Variants in GEMIN2 observed in about 807,000 individuals in gnomAD.
GEMIN2 encodes gem-associated protein 2.
Under a neutral mutation model 45.8 loss-of-function variants are expected in GEMIN2, and 37 were observed. The observed-to-expected ratio is 0.81, with a 90% CI of 0.62 to 1.06. The LOEUF is 1.06. Among genes scored for constraint, GEMIN2 ranks in the 50% least tolerant of loss-of-function variants. The pLI, the probability that GEMIN2 is intolerant of heterozygous loss-of-function variation, is 0.00. For missense variants in GEMIN2, 335 were observed against 321.8 expected (o/e 1.04, Z -0.31); for synonymous variants, 101 against 111.5 (o/e 0.91, Z 0.60).
chr14:39,129,509 T>A (rs989942462), intron 7 of GEMIN2, among the ~76,000 whole-genome samples: 17 of 151,638 alleles, frequency 1.1e-4, no homozygotes, highest in Admixed American at 1.3e-4. Context: ...CACCTCCTGG[T>A]TTCAAGTGAT....
chr14:39,117,773 T>A (rs973179010), intron 2 of GEMIN2, among the ~76,000 whole-genome samples: 2 of 152,098 alleles, frequency 1.3e-5, no homozygotes, highest in African/African-American at 2.4e-5. Flanking sequence ...CCTTTCCAGA[T>A]TTCTCTGATT....
In GEMIN2 at chr14:39,136,457, A is replaced by T; in HGVS notation, c.788A>T (p.Asp263Val). Reference protein sequence around the residue: ...CLVSRYFDQRDLADEPS With the variant: ...CLVSRYFDQRVLADEPS ...TTTACTAGGTATTTTGACCAACGTG[A>T]TTTAGCTGATGAGCCATCTTGATGT... is the stretch of plus-strand genomic sequence containing the variant. The change falls in exon 10 of 10, where the codon GAT (aspartate) becomes GTT (valine). Residue 263 changes from aspartate to valine, a missense_variant. Asp to Val is a radical substitution (Grantham distance 152). Coordinates refer to ENST00000308317, the MANE Select transcript of GEMIN2 (RefSeq NM_003616.3). The T allele has an allele frequency of 1.3e-6, 2 of 1,575,732 alleles. No homozygotes were observed. The highest frequency in any genetic ancestry group is 1.7e-6 in the Non-Finnish European group (2 of 1,146,450).
intron 8 of GEMIN2, 39 bp from the exon 9 acceptor site, chr14:39,133,622 G>T: frequency 9.1e-7 from 1 of 1,102,590 alleles, no homozygotes; most frequent in South Asian, 1.4e-5. Context: ...AAAGTAATAG[G>T]AACAGACAAT....
At chr14:39,131,128 T>A (rs2052709901) in intron 7 of GEMIN2, among the ~76,000 whole-genome samples, 1 of 151,766 alleles carries the variant, frequency 6.6e-6, no homozygotes. Flanking sequence ...TGAAACCCGG[T>A]CTCTATTAAA....
At chr14:39,122,997 C>T (rs1354258499) in intron 5 of GEMIN2, among the ~76,000 whole-genome samples, 1 of 152,096 alleles carries the variant, frequency 6.6e-6, no homozygotes, top group African/African-American at 2.4e-5. Flanking sequence ...TGGAAATCGA[C>T]ACAATTAGAT....
intron 2 of GEMIN2, among the ~76,000 whole-genome samples, chr14:39,115,713 C>T (rs528667074): frequency 5.3e-5 from 8 of 152,182 alleles, no homozygotes; most frequent in African/African-American, 1.9e-4. Flanking sequence ...CCTCTGCCTC[C>T]CAAACTGCTG....
At chr14:39,117,596 T>C (rs2052524803) in intron 2 of GEMIN2, among the ~76,000 whole-genome samples, 1 of 152,226 alleles carries the variant, frequency 6.6e-6, no homozygotes, top group Non-Finnish European at 1.5e-5. Flanking sequence ...TACTGTGCTA[T>C]TGAATGCTAG....
At chr14:39,126,790 G>A (rs1010204032) in intron 6 of GEMIN2, among the ~76,000 whole-genome samples, 17 of 151,744 alleles carry the variant, frequency 1.1e-4, no homozygotes, top group African/African-American at 3.9e-4. Context: ...TTTTTGAGAG[G>A]GAGTCTCGCT....
At chr14:39,130,616 G>C (rs149654310) in intron 7 of GEMIN2, among the ~76,000 whole-genome samples, 60 of 152,300 alleles carry the variant, frequency 3.9e-4, no homozygotes, top group African/African-American at 1.4e-3. Context: ...AGGGATGGCT[G>C]AGTGGGGTGG....
In GEMIN2 at chr14:39,118,037, A is replaced by C. The variant is rs142482613; in HGVS notation, c.261A>C (p.Pro87=). Residue 87 remains proline (P), a synonymous_variant, in exon 3 of 10, where the codon CCA becomes CCC. Transcript: ENST00000308317. ...GCQPAPEGYS[P]TLQWQQQQVA... is the part of the protein sequence containing the mutation. ...AACCCGCCCCTGAAGGTTATTCCCC[A>C]ACACTTCAATGGCAACAGCAACAAG... 2.2e-4 allele frequency: 349 copies of C among 1,609,016 alleles called. No homozygotes were observed. Among genetic ancestry groups the C allele is most frequent in the Non-Finnish European group, 2.7e-4 (322 of 1,176,624 alleles).
At chr14:39,123,711 T>G (rs1243456261) in intron 5 of GEMIN2, among the ~76,000 whole-genome samples, 4 of 67,402 alleles carry the variant, frequency 5.9e-5, no homozygotes, top group African/African-American at 2.7e-4. Flanking sequence ...TATATATATT[T>G]TTTTTTTTTT....
intron 5 of GEMIN2, 26 bp downstream of exon 5, chr14:39,122,569 C>G: frequency 8.4e-7 from 1 of 1,193,506 alleles, no homozygotes; most frequent in Non-Finnish European, 1.2e-6. Flanking sequence ...ATAAACAGAA[C>G]AAAAAGCATT....
intron 6 of GEMIN2, 85 bp downstream of exon 6, chr14:39,125,121 C>G: frequency 2.7e-6 from 2 of 729,434 alleles, no homozygotes; most frequent in Non-Finnish European, 4.9e-6. Flanking sequence ...ATACTGAATT[C>G]TTACAGTATG....
In GEMIN2 at chr14:39,133,008, ATGTG is replaced by A. The variant is rs1271818920; in HGVS notation, c.712-637_712-634del. Among the ~76,000 whole-genome samples, 44 of 67,804 alleles carry A rather than the reference ATGTG, an allele frequency of 6.5e-4. No individual in the cohort carries two copies. The South Asian group carries it at 0.015, about 23-fold the overall frequency. 44.5% of individuals were successfully genotyped at this position (67,804 alleles called of 152,430 possible). Reference sequence around the variant, plus strand: ...TGTGTGTGTGTGTGTGTGTATATATATGTGTGTGTGTGTGTGTGTATATATATAT... The same window carrying A: ...TGTGTGTGTGTGTGTGTGTATATATATGTGTGTGTGTGTGTATATATATAT... On this transcript the variant is annotated intron_variant, in intron 8 of 9. Coordinates refer to ENST00000308317, the MANE Select transcript of GEMIN2 (RefSeq NM_003616.3).
Position 39,136,596 on chromosome 14 carries a change from C to T in GEMIN2, c.*117C>T. On this transcript the variant is annotated 3_prime_UTR_variant, in exon 10 of 10. Transcript: ENST00000308317. ...CATCTTCAACACTATGTGAAGGGTT[C>T]ACATCTTAACCTGTGCAATTCAGAT... 1.3e-6 allele frequency: 1 copy of T among 792,292 alleles called. No individual in the cohort carries two copies. Among genetic ancestry groups the T allele is most frequent in the South Asian group, 1.5e-5 (1 of 68,618 alleles). The allele number at this position is 792,292 out of a possible 1,614,324, so 49.1% of individuals were successfully genotyped here.
At chr14:39,121,365 T>C (rs1161490832) in intron 4 of GEMIN2, among the ~76,000 whole-genome samples, 1 of 152,004 alleles carries the variant, frequency 6.6e-6, no homozygotes, top group African/African-American at 2.4e-5. Flanking sequence ...GACAACTATC[T>C]CTACAAAAAA....
At chr14:39,119,974 G>A (rs2052555036) in intron 4 of GEMIN2, among the ~76,000 whole-genome samples, 1 of 152,190 alleles carries the variant, frequency 6.6e-6, no homozygotes, top group African/African-American at 2.4e-5. Flanking sequence ...TACCAAGGAT[G>A]TATGTATGTA....
rs987939696 is a variant in GEMIN2 at position 39,114,347 on chromosome 14, G to T, written c.9G>T (p.Trp3Cys). Reference sequence around the variant, plus strand: ...TGGCTGGTTTGAAAACCATGGCGTGGGTACCAGCGGAGTCCGCAGTGGAAG... The same window carrying T: ...TGGCTGGTTTGAAAACCATGGCGTGTGTACCAGCGGAGTCCGCAGTGGAAG... Reference protein sequence around the residue: MAWVPAESAVEEL... With the variant: MACVPAESAVEEL... The change falls in exon 1 of 10, where the codon TGG becomes TGT. Residue 3 changes from tryptophan to cysteine, a missense_variant. Coordinates refer to ENST00000308317, the MANE Select transcript of GEMIN2 (RefSeq NM_003616.3). 6.2e-7 allele frequency: 1 copy of T among 1,614,008 alleles called. No individual in the cohort carries two copies. Among genetic ancestry groups the T allele is most frequent in the Non-Finnish European group, 8.5e-7 (1 of 1,179,880 alleles).
intron 4 of GEMIN2, among the ~76,000 whole-genome samples, chr14:39,119,663 C>T (rs2052552813): frequency 6.6e-6 from 1 of 152,184 alleles, no homozygotes; most frequent in South Asian, 2.1e-4. Context: ...TACATGGTGA[C>T]ACATTAGAAT....
Sources: gnomAD v4.1 joint callset for allele counts (sites outside exome capture counted in the v4.1 genomes callset) on GRCh38, gnomAD v4.1.1 for gene constraint, MANE v1.5 for transcripts, NCBI Gene and HGNC (gene_info 2026-07-23, HGNC 2026-07-21) for gene names.